Variants in ITCH observed in about 807,000 individuals in gnomAD.
ITCH encodes itchy E3 ubiquitin protein ligase.
Under a neutral mutation model 126.8 loss-of-function variants are expected in ITCH, and 28 were observed. The observed-to-expected ratio is 0.22, with a 90% CI of 0.16 to 0.30. The LOEUF (loss-of-function observed/expected upper bound fraction) is 0.30, where lower values mean the gene tolerates loss of function less well. ITCH is among the 10% of genes least tolerant of loss of function. ITCH has a pLI of 1.00. For missense variants in ITCH, 631 were observed against 1,032.4 expected, an observed-to-expected ratio of 0.61 and a Z score of 5.33; for synonymous variants, 342 against 340.0, an observed-to-expected ratio of 1.01 and a Z score of -0.06.
At chr20:34,421,125 GAC>G (rs1357308419) in intron 6 of ITCH, among the ~76,000 whole-genome samples, 1 of 152,082 alleles carries the variant, frequency 6.6e-6, no homozygotes, top group African/African-American at 2.4e-5. Flanking sequence ...TTATTTTTGA[GAC>G]AGGATCTCGC....
chr20:34,468,882 C>T (rs574338110), intron 14 of ITCH, among the ~76,000 whole-genome samples: 3 of 151,772 alleles, frequency 2.0e-5, no homozygotes, highest in Non-Finnish European at 2.9e-5. Context: ...ACACAAATAA[C>T]GTTTGTATAC....
chr20:34,366,833 A>G (rs574906171), intron 1 of ITCH, among the ~76,000 whole-genome samples: 1 of 152,338 alleles, frequency 6.6e-6, no homozygotes, highest in African/African-American at 2.4e-5. Flanking sequence ...AAAAAAAGAA[A>G]GATTGCTCTG....
chr20:34,406,724 CAG>C (rs1387106815), intron 3 of ITCH, among the ~76,000 whole-genome samples: 2 of 151,942 alleles, frequency 1.3e-5, no homozygotes, highest in Non-Finnish European at 2.9e-5. Flanking sequence ...TTAGTAGAGA[CAG>C]GGTTTCACCA....
chr20:34,379,677 C>T (rs1024065774), intron 2 of ITCH, among the ~76,000 whole-genome samples: 46 of 151,332 alleles, frequency 3.0e-4, no homozygotes, highest in Middle Eastern at 3.4e-3. Flanking sequence ...TCACTGCAAC[C>T]TCCGCCTCCT....
At chr20:34,458,421 C>T (rs1172136363) in intron 13 of ITCH, among the ~76,000 whole-genome samples, 1 of 152,154 alleles carries the variant, frequency 6.6e-6, no homozygotes, top group Non-Finnish European at 1.5e-5. Flanking sequence ...CCTGCCTTAG[C>T]CTCCTGAGTA....
chr20:34,465,882 T>C (rs889445784), intron 14 of ITCH, among the ~76,000 whole-genome samples: 7 of 152,086 alleles, frequency 4.6e-5, no homozygotes, highest in Non-Finnish European at 7.4e-5. Flanking sequence ...CCAATTTGGG[T>C]ATCTTTTATT....
intron 11 of ITCH, among the ~76,000 whole-genome samples, chr20:34,446,774 G>T (rs543383767): frequency 1.3e-5 from 2 of 152,170 alleles, no homozygotes; most frequent in South Asian, 4.1e-4. Flanking sequence ...GTGTTCAGTG[G>T]AAAGAGCATG....
At position 34,384,606 on chromosome 20, in the gene ITCH, A is replaced by G. The variant is rs115929528; in HGVS notation, c.-21-9185A>G. Among the ~76,000 whole-genome samples, 823 of 151,152 alleles carry G rather than the reference A, an allele frequency of 5.4e-3. 11 individuals carry two copies. Among genetic ancestry groups the G allele is most frequent in the African/African-American group, 0.019 (788 of 41,184 alleles). On this transcript the variant is annotated intron_variant, in intron 2 of 24. Coordinates refer to ENST00000374864, the MANE Select transcript of ITCH (RefSeq NM_031483.7). Reference sequence around the variant, plus strand: ...CTGTAATTCTCAAATAATGTTTAGAAATGATCTGAGGAAAGTTTGCTGGAA... The same window carrying G: ...CTGTAATTCTCAAATAATGTTTAGAGATGATCTGAGGAAAGTTTGCTGGAA...
At chr20:34,484,724 A>G (rs1211568164) in intron 20 of ITCH, among the ~76,000 whole-genome samples, 2 of 152,208 alleles carry the variant, frequency 1.3e-5, no homozygotes, top group African/African-American at 2.4e-5. Context: ...TTTCCTTAGA[A>G]TAAAATGCAC....
At position 34,445,278 on chromosome 20, in the gene ITCH, CT is replaced by C. The variant is rs768429594; in HGVS notation, c.966-8del. 2 of 628,094 alleles carry C rather than the reference CT, an allele frequency of 3.2e-6. No individual in the cohort carries two copies. The highest frequency in any genetic ancestry group is 1.1e-4 in the Admixed American group (2 of 18,370). The allele number at this position is 628,094 out of a possible 1,614,324, so 38.9% of individuals were successfully genotyped here. A position where few individuals can be genotyped will look rare whatever the true frequency, so the allele number is the denominator to read the frequency against. ...TTAGCTTGTTTTTTTTTTTTTTTTT[CT>C]GATTTAGCTGGGAACGGCGGGTTGA... On this transcript the variant is annotated splice_region_variant and splice_polypyrimidine_tract_variant and intron_variant, in intron 10 of 24. Transcript: ENST00000374864.
rs911597699 is a variant in ITCH at position 34,476,411 on chromosome 20, C to T, written c.1570-1361C>T. The T allele has an allele frequency of 8.0e-5, 99 of 1,236,852 alleles. 1 individual carries two copies. The highest frequency in any genetic ancestry group is 9.5e-5 in the Non-Finnish European group (94 of 992,784). 76.6% of individuals were successfully genotyped at this position (1,236,852 alleles called of 1,614,324 possible). ...GACCCGGCGTGGTGCAGCCACCGGCCGGCCGGGTCGCCGAGGACCGCAGAA... is the reference window on the plus strand; with the variant it reads ...GACCCGGCGTGGTGCAGCCACCGGCTGGCCGGGTCGCCGAGGACCGCAGAA... On this transcript the variant is annotated intron_variant, in intron 16 of 24. Coordinates refer to ENST00000374864, the MANE Select transcript of ITCH (RefSeq NM_031483.7).
chr20:34,405,232 C>T (rs566576369), intron 3 of ITCH, among the ~76,000 whole-genome samples: 1 of 151,032 alleles, frequency 6.6e-6, no homozygotes, highest in South Asian at 2.1e-4. Context: ...CAGCTGGGCA[C>T]AGTGGCTCAC....
chr20:34,430,381 A>G (rs1157669534), intron 7 of ITCH, among the ~76,000 whole-genome samples: 1 of 152,184 alleles, frequency 6.6e-6, no homozygotes, highest in East Asian at 1.9e-4. Flanking sequence ...ATTGTTAGAT[A>G]GGTTGGGACC....
chr20:34,399,837 C>G (rs1339844804), intron 3 of ITCH, among the ~76,000 whole-genome samples: 2 of 152,128 alleles, frequency 1.3e-5, no homozygotes, highest in East Asian at 3.9e-4. Flanking sequence ...TTCACTGCAG[C>G]CTTAACCTCC....
chr20:34,411,393 A>T (rs1386726610), intron 4 of ITCH, among the ~76,000 whole-genome samples: 1 of 152,102 alleles, frequency 6.6e-6, no homozygotes, highest in African/African-American at 2.4e-5. Context: ...ACCTCAAATA[A>T]TCCTCCCACC....
chr20:34,463,959 T>TATCAA (rs1478731411), intron 14 of ITCH, among the ~76,000 whole-genome samples: 20 of 152,070 alleles, frequency 1.3e-4, no homozygotes, highest in African/African-American at 4.8e-4. Context: ...TTTTGATGTC[T>TATCAA]GATTTGTCAA....
In ITCH at chr20:34,375,696, A is replaced by ATTTTTTTTT. The variant is rs5841171; in HGVS notation, c.-22+6253_-22+6261dup. Among the ~76,000 whole-genome samples the ATTTTTTTTT allele has an allele frequency of 1.4e-4, 9 of 65,554 alleles. 1 individual carries two copies. The highest frequency in any genetic ancestry group is 5.2e-4 in the East Asian group (1 of 1,924). 43.0% of individuals were successfully genotyped at this position (65,554 alleles called of 152,430 possible). A position where few individuals can be genotyped will look rare whatever the true frequency, so the allele number is the denominator to read the frequency against. The stretch of plus-strand genomic sequence containing the variant: ...CACTCACAATGTATTGGTAGTTAAA[A>ATTTTTTTTT]TTTTTTTTTTTTTTTTTTTTTTTTT... On this transcript the variant is annotated intron_variant, in intron 2 of 24. Coordinates refer to ENST00000374864, the MANE Select transcript of ITCH (RefSeq NM_031483.7).
chr20:34,497,498 T>C (rs1040086355), intron 23 of ITCH, among the ~76,000 whole-genome samples: 5 of 152,232 alleles, frequency 3.3e-5, no homozygotes, highest in Non-Finnish European at 5.9e-5. Context: ...GCTTTGGCTA[T>C]TCAGGATCCT....
intron 15 of ITCH, among the ~76,000 whole-genome samples, chr20:34,470,421 AAT>A (rs11474698): frequency 5.4e-5 from 8 of 146,922 alleles, no homozygotes; most frequent in African/African-American, 5.0e-5. Flanking sequence ...TACCTCTGTA[AAT>A]ATATATATAT....
Sources: allele counts gnomAD v4.1 joint callset (sites outside exome capture counted in the v4.1 genomes callset), GRCh38; gene constraint gnomAD v4.1.1; transcripts MANE v1.5; gene names NCBI Gene and HGNC (gene_info 2026-07-23, HGNC 2026-07-21).